The following DSCAM variants were observed in gnomAD, a reference collection of about 807,000 sequenced individuals.
DSCAM encodes the protein DS cell adhesion molecule, also known as cell adhesion molecule DSCAM.
Under a neutral mutation model 217.7 loss-of-function variants are expected in DSCAM, and 47 were observed. The ratio of observed to expected loss-of-function variants is 0.22; its 90% confidence interval spans 0.17 to 0.28. The LOEUF is 0.28. Ranked by LOEUF, DSCAM falls within the 10% of genes least tolerant of loss-of-function variation. The pLI, the probability that DSCAM is intolerant of heterozygous loss-of-function variation, is 1.00. For missense variants in DSCAM, 2,080 were observed against 2,618.3 expected (o/e 0.79, Z 4.49); for synonymous variants, 1,056 against 1,015.3 (o/e 1.04, Z -0.76).
intron 3 of DSCAM, among the ~76,000 whole-genome samples, chr21:40,493,879 A>AAATATAT (rs1555845575): frequency 3.0e-5 from 4 of 135,552 alleles, no homozygotes; most frequent in South Asian, 4.7e-4. Context: ...AAAAAAAAAA[A>AAATATAT]ATATATACAT....
intron 11 of DSCAM, among the ~76,000 whole-genome samples, chr21:40,266,896 C>A (rs1358383407): frequency 1.3e-5 from 2 of 149,058 alleles, no homozygotes; most frequent in African/African-American, 5.0e-5. Context: ...GAACTAGAGG[C>A]CATTATTCTA....
chr21:40,017,046 T>C (rs2088170728), intron 32 of DSCAM, among the ~76,000 whole-genome samples: 1 of 151,562 alleles, frequency 6.6e-6, no homozygotes, highest in African/African-American at 2.4e-5. Flanking sequence ...AACCTGCGCA[T>C]TGGAGGTTGC....
chr21:40,729,459 A>C (rs1335101782), intron 1 of DSCAM, among the ~76,000 whole-genome samples: 1 of 152,228 alleles, frequency 6.6e-6, no homozygotes, highest in African/African-American at 2.4e-5. Flanking sequence ...TAAAATTCTC[A>C]TAATAAGATG....
intron 1 of DSCAM, among the ~76,000 whole-genome samples, chr21:40,834,526 A>G (rs2092041312): frequency 6.6e-6 from 1 of 151,720 alleles, no homozygotes; most frequent in Non-Finnish European, 1.5e-5. Flanking sequence ...GAGCTTTACA[A>G]TAACCCATAA....
chr21:40,671,509 G>A (rs9975966), intron 3 of DSCAM, among the ~76,000 whole-genome samples: 6 of 149,996 alleles, frequency 4.0e-5, no homozygotes, highest in African/African-American at 1.5e-4. Flanking sequence ...CTCCCCCCCC[G>A]CACCGTCTCT....
At chr21:40,757,383 T>C (rs114440023) in intron 1 of DSCAM, among the ~76,000 whole-genome samples, 3,117 of 152,332 alleles carry the variant, frequency 0.02, 102 homozygotes, top group African/African-American at 0.069. Flanking sequence ...TCAGCTTCTA[T>C]GGTAGACTAT....
In DSCAM at chr21:40,425,587, T is replaced by C. The variant is rs371571964; in HGVS notation, c.509-56342A>G. 2.0e-4 allele frequency among the ~76,000 whole-genome samples: 29 copies of C among 148,366 alleles called. No individual in the cohort carries two copies. The South Asian group carries it at 3.8e-3, about 20-fold the overall frequency. ...TTAGCTGGGCGTGGTGGCGGGTGCC[T>C]GTAATCCCAGTTGTTCAGGAGGCTG... On this transcript the variant is annotated intron_variant, in intron 3 of 32. Coordinates refer to ENST00000400454, the MANE Select transcript of DSCAM (RefSeq NM_001389.5).
At chr21:40,113,692 C>T (rs1363151166) in intron 20 of DSCAM, among the ~76,000 whole-genome samples, 1 of 152,172 alleles carries the variant, frequency 6.6e-6, no homozygotes, top group African/African-American at 2.4e-5. Context: ...TCTCCTTAAG[C>T]TGATAAGCAA....
intron 3 of DSCAM, among the ~76,000 whole-genome samples, chr21:40,404,051 G>A (rs926218232): frequency 6.6e-6 from 1 of 152,038 alleles, no homozygotes; most frequent in Non-Finnish European, 1.5e-5. Flanking sequence ...AAATGAGAAA[G>A]CCCTGAGATG....
At chr21:40,686,063 T>C (rs75033030) in intron 3 of DSCAM, among the ~76,000 whole-genome samples, 1,590 of 152,148 alleles carry the variant, frequency 0.01, 21 homozygotes, top group African/African-American at 0.036. Context: ...TCAAGGGGGA[T>C]TTTAGTGTGA....
At chr21:40,487,676 A>G (rs1011430489) in intron 3 of DSCAM, among the ~76,000 whole-genome samples, 2 of 152,314 alleles carry the variant, frequency 1.3e-5, no homozygotes, top group African/African-American at 4.8e-5. Flanking sequence ...CCCGTGAGAA[A>G]GTTAATAATC....
intron 16 of DSCAM, among the ~76,000 whole-genome samples, chr21:40,160,563 C>T (rs2090529407): frequency 2.6e-5 from 4 of 152,158 alleles, no homozygotes; most frequent in African/African-American, 9.7e-5. Flanking sequence ...ATCATTCTGA[C>T]CATACACAAT....
At chr21:40,680,454 G>T (rs937221377) in intron 3 of DSCAM, among the ~76,000 whole-genome samples, 51 of 152,268 alleles carry the variant, frequency 3.3e-4, no homozygotes, top group African/African-American at 1.2e-3. Flanking sequence ...CCAAAGCCAG[G>T]CTCCTCTGAG....
intron 30 of DSCAM, among the ~76,000 whole-genome samples, chr21:40,045,719 A>C (rs1370731832): frequency 6.6e-6 from 1 of 152,224 alleles, no homozygotes; most frequent in Non-Finnish European, 1.5e-5. Context: ...GTTATATTTC[A>C]GTATGGTCTG....
intron 3 of DSCAM, among the ~76,000 whole-genome samples, chr21:40,637,695 C>G (rs1389093429): frequency 7.6e-6 from 1 of 132,110 alleles, no homozygotes; most frequent in East Asian, 2.1e-4. Flanking sequence ...GTTTTGGAGA[C>G]AGAGTCTCAC....
intron 3 of DSCAM, among the ~76,000 whole-genome samples, chr21:40,617,690 C>T (rs1473202844): frequency 6.6e-6 from 1 of 152,220 alleles, no homozygotes; most frequent in Non-Finnish European, 1.5e-5. Context: ...CAGCTCCCTC[C>T]CAGTCGTTAT....
At chr21:40,634,548 G>A (rs1370011120) in intron 3 of DSCAM, among the ~76,000 whole-genome samples, 1 of 152,102 alleles carries the variant, frequency 6.6e-6, no homozygotes, top group East Asian at 1.9e-4. Context: ...GCAACACGAT[G>A]GCCATACTTT....
At chr21:40,126,055 C>T (rs532712766) in intron 19 of DSCAM, among the ~76,000 whole-genome samples, 1 of 152,220 alleles carries the variant, frequency 6.6e-6, no homozygotes, top group South Asian at 2.1e-4. Context: ...GACAATTGTA[C>T]GTGTCATGGG....
chr21:40,819,314 G>A (rs1427513542), intron 1 of DSCAM, among the ~76,000 whole-genome samples: 1 of 152,218 alleles, frequency 6.6e-6, no homozygotes, highest in Non-Finnish European at 1.5e-5. Flanking sequence ...ACAGCACTGT[G>A]CTGGGCTGCA....
Sources: gnomAD v4.1 joint callset for allele counts (sites outside exome capture counted in the v4.1 genomes callset) on GRCh38, gnomAD v4.1.1 for gene constraint, MANE v1.5 for transcripts, NCBI Gene and HGNC (gene_info 2026-07-23, HGNC 2026-07-21) for gene names.